PPP2R2B: variants seen among roughly 807,000 people sequenced by gnomAD.
PPP2R2B encodes serine/threonine-protein phosphatase 2A 55 kDa regulatory subunit B beta isoform.
In PPP2R2B, 5 loss-of-function variants were observed where a neutral mutation model predicts 46.0. The observed-to-expected ratio is 0.11, with a 90% CI of 0.06 to 0.23. The LOEUF is 0.23. PPP2R2B is among the 10% of genes least tolerant of loss of function. The pLI, the probability that PPP2R2B is intolerant of heterozygous loss-of-function variation, is 1.00. For missense variants in PPP2R2B, 367 were observed against 575.0 expected (o/e 0.64, Z 3.70); for synonymous variants, 215 against 206.7 (o/e 1.04, Z -0.34).
chr5:146,885,575 A>G (rs1265085621), intron 1 of PPP2R2B, among the ~76,000 whole-genome samples: 1 of 152,226 alleles, frequency 6.6e-6, no homozygotes, highest in Non-Finnish European at 1.5e-5. Context: ...TCTTCAAAAT[A>G]TTAAGCACAG....
At chr5:147,011,979 C>T (rs1450406322) in intron 1 of PPP2R2B, among the ~76,000 whole-genome samples, 1 of 144,054 alleles carries the variant, frequency 6.9e-6, no homozygotes, top group Non-Finnish European at 1.5e-5. Flanking sequence ...ATTCGGTTTG[C>T]CAGTATTTTA....
chr5:146,632,064 C>CCA (rs1561788111), intron 7 of PPP2R2B, among the ~76,000 whole-genome samples: 1 of 113,086 alleles, frequency 8.8e-6, no homozygotes. Flanking sequence ...GAGTTGTGCC[C>CCA]CCCCCCCCGC....
At chr5:146,798,694 C>A (rs1262778502) in intron 2 of PPP2R2B, among the ~76,000 whole-genome samples, 1 of 152,172 alleles carries the variant, frequency 6.6e-6, no homozygotes, top group Non-Finnish European at 1.5e-5. Flanking sequence ...CTTAAGAATG[C>A]TCTAGGCACA....
chr5:146,868,956 G>A (rs1321747610), intron 2 of PPP2R2B, among the ~76,000 whole-genome samples: 1 of 152,070 alleles, frequency 6.6e-6, no homozygotes, highest in African/African-American at 2.4e-5. Context: ...ATTTAAAGGG[G>A]GATAAGAACA....
intron 1 of PPP2R2B, among the ~76,000 whole-genome samples, chr5:146,990,397 A>G (rs1207029108): frequency 6.6e-6 from 1 of 152,172 alleles, no homozygotes; most frequent in Non-Finnish European, 1.5e-5. Flanking sequence ...GGAACAAAAT[A>G]GAAAGCCCAG....
intron 1 of PPP2R2B, among the ~76,000 whole-genome samples, chr5:146,938,351 G>A (rs1224932469): frequency 6.6e-6 from 1 of 152,146 alleles, no homozygotes; most frequent in Non-Finnish European, 1.5e-5. Flanking sequence ...AAAATGTACT[G>A]ATTCCCTGGT....
chr5:146,923,135 T>A (rs945878729), intron 1 of PPP2R2B, among the ~76,000 whole-genome samples: 1 of 152,216 alleles, frequency 6.6e-6, no homozygotes, highest in Admixed American at 6.5e-5. Context: ...TTTTTTTGTT[T>A]AGCCGGTTTT....
At chr5:146,999,531 G>C (rs1258832151) in intron 1 of PPP2R2B, among the ~76,000 whole-genome samples, 4 of 152,182 alleles carry the variant, frequency 2.6e-5, no homozygotes, top group Non-Finnish European at 5.9e-5. Context: ...GGCTCCTCAG[G>C]TGATTCTCAC....
intron 1 of PPP2R2B, among the ~76,000 whole-genome samples, chr5:146,939,075 C>G (rs1266562632): frequency 6.6e-6 from 1 of 152,028 alleles, no homozygotes; most frequent in East Asian, 1.9e-4. Context: ...AAAATTAACT[C>G]CCTTGTCTTA....
intron 5 of PPP2R2B, among the ~76,000 whole-genome samples, chr5:146,653,000 C>T (rs1480890455): frequency 6.6e-6 from 1 of 152,132 alleles, no homozygotes; most frequent in East Asian, 1.9e-4. Context: ...TGACTTTGCC[C>T]TGAGAAACAC....
intron 2 of PPP2R2B, among the ~76,000 whole-genome samples, chr5:146,803,190 T>G (rs1756969625): frequency 6.6e-6 from 1 of 152,168 alleles, no homozygotes; most frequent in African/African-American, 2.4e-5. Flanking sequence ...ATTAGAACAC[T>G]TTTTAAGTAT....
chr5:146,685,410 A>T (rs1299594877), intron 5 of PPP2R2B, among the ~76,000 whole-genome samples: 1 of 152,258 alleles, frequency 6.6e-6, no homozygotes, highest in Non-Finnish European at 1.5e-5. Context: ...TCACTAAGAA[A>T]GGCTGAATAT....
At chr5:147,071,724 T>A (rs913626610) in intron 2 of PPP2R2B, among the ~76,000 whole-genome samples, 12 of 152,170 alleles carry the variant, frequency 7.9e-5, no homozygotes, top group African/African-American at 2.9e-4. Context: ...GAACACCATA[T>A]CCCTGAACCC....
At chr5:147,019,286 C>T (rs1012627875) in intron 1 of PPP2R2B, among the ~76,000 whole-genome samples, 1 of 152,094 alleles carries the variant, frequency 6.6e-6, no homozygotes, top group Non-Finnish European at 1.5e-5. Flanking sequence ...TTTGAAGATA[C>T]AACTGTGATC....
At chr5:146,662,974 A>G (rs457559) in intron 5 of PPP2R2B, among the ~76,000 whole-genome samples, 1 of 152,034 alleles carries the variant, frequency 6.6e-6, no homozygotes, top group Non-Finnish European at 1.5e-5. Context: ...TAAGATTTTT[A>G]AAATCTTTAA....
chr5:146,768,232 C>A (rs532376675), intron 2 of PPP2R2B, among the ~76,000 whole-genome samples: 272 of 152,214 alleles, frequency 1.8e-3, no homozygotes, highest in Non-Finnish European at 3.1e-3. Flanking sequence ...TGCCACCATA[C>A]CCAGCTAATT....
chr5:146,997,038 A>T (rs1019368123), intron 1 of PPP2R2B, among the ~76,000 whole-genome samples: 6 of 152,182 alleles, frequency 3.9e-5, no homozygotes, highest in Non-Finnish European at 8.8e-5. Flanking sequence ...TGGAAGACTC[A>T]AACACGGGAT....
chr5:146,762,469 G>A (rs1754225700), intron 2 of PPP2R2B, among the ~76,000 whole-genome samples: 1 of 152,186 alleles, frequency 6.6e-6, no homozygotes, highest in Admixed American at 6.5e-5. Context: ...ACTCAGTTCT[G>A]TTCACTACTC....
At chr5:147,059,769 T>C (rs1757203472), upstream of PPP2R2B, among the ~76,000 whole-genome samples, 1 of 152,120 alleles carries the variant, frequency 6.6e-6, no homozygotes, top group Non-Finnish European at 1.5e-5. Flanking sequence ...GCTCTAAGCT[T>C]TTCTTTAGAC....
Sources: gnomAD v4.1 joint callset for allele counts (sites outside exome capture counted in the v4.1 genomes callset) on GRCh38, gnomAD v4.1.1 for gene constraint, MANE v1.5 for transcripts, NCBI Gene and HGNC (gene_info 2026-07-23, HGNC 2026-07-21) for gene names.